Variants in CDC42SE2 observed in about 807,000 individuals in gnomAD.
The protein encoded by CDC42SE2 is CDC42 small effector 2.
CDC42SE2 carries 3 observed loss-of-function variants against 11.5 expected under a neutral mutation model. The observed-to-expected ratio is 0.26, with a 90% CI of 0.12 to 0.67. The LOEUF (loss-of-function observed/expected upper bound fraction) is 0.67. Among genes scored for constraint, CDC42SE2 ranks in the 30% least tolerant of loss-of-function variants. The pLI is 0.80. For missense variants in CDC42SE2, 82 were observed against 106.8 expected, an observed-to-expected ratio of 0.77 and a Z score of 1.02; for synonymous variants, 33 against 34.8, an observed-to-expected ratio of 0.95 and a Z score of 0.18.
chr5:131,240,301 A>G, the CDC42SE2 span, among the ~76,000 whole-genome samples: 20 of 152,190 alleles, frequency 1.3e-4, no homozygotes, highest in Non-Finnish European at 1.8e-4. Flanking sequence ...TTTCTCTCCT[A>G]ACATTTCTCT....
At position 131,391,468 on chromosome 5, in the gene CDC42SE2, T is replaced by C. The variant is rs955121016; in HGVS notation, c.*377T>C. On this transcript the variant is annotated 3_prime_UTR_variant, in exon 5 of 5. Coordinates refer to ENST00000505065, the MANE Select transcript of CDC42SE2 (RefSeq NM_001375635.1). ...GGGCTGATCACCTGAGGCCAGGAAT[T>C]GGAGACTAGCCTGGCCAACATGGTG... 1 of 152,892 alleles carries C rather than the reference T, an allele frequency of 6.5e-6. No homozygotes were observed. The highest frequency in any genetic ancestry group is 1.9e-4 in the East Asian group (1 of 5,228). The allele number at this position is 152,892 out of a possible 1,614,324, so 9.5% of individuals were successfully genotyped here.
the CDC42SE2 span, among the ~76,000 whole-genome samples, chr5:131,238,508 A>G: frequency 6.6e-6 from 1 of 151,564 alleles, no homozygotes; most frequent in Non-Finnish European, 1.5e-5. Context: ...TCTAAAAAAA[A>G]AAAAAAAAAA....
intron 1 of CDC42SE2, among the ~76,000 whole-genome samples, chr5:131,293,942 A>G (rs1340106295): frequency 6.6e-6 from 1 of 152,110 alleles, no homozygotes; most frequent in African/African-American, 2.4e-5. Flanking sequence ...GACAAATTCG[A>G]TATGTATTGG....
chr5:131,249,829 G>A (rs1580714777), intron 1 of CDC42SE2, among the ~76,000 whole-genome samples: 1 of 152,098 alleles, frequency 6.6e-6, no homozygotes. Context: ...GTTGCAGTGA[G>A]CTATGATTGT....
intron 2 of CDC42SE2, among the ~76,000 whole-genome samples, chr5:131,329,402 G>A (rs955621587): frequency 3.3e-5 from 5 of 151,826 alleles, no homozygotes; most frequent in African/African-American, 1.2e-4. Flanking sequence ...TCTTCCCTAC[G>A]GTTGATTTTG....
the CDC42SE2 span, among the ~76,000 whole-genome samples, chr5:131,239,394 A>T: frequency 2.6e-5 from 4 of 152,120 alleles, no homozygotes; most frequent in South Asian, 8.3e-4. Flanking sequence ...CCATGATCAC[A>T]CCACTGCACT....
At chr5:131,291,039 C>G (rs927299929) in intron 1 of CDC42SE2, among the ~76,000 whole-genome samples, 1 of 152,134 alleles carries the variant, frequency 6.6e-6, no homozygotes. Flanking sequence ...AGGGCTTTCA[C>G]AAGAAGCCTT....
At chr5:131,277,955 A>G (rs1757138043) in intron 1 of CDC42SE2, among the ~76,000 whole-genome samples, 1 of 152,178 alleles carries the variant, frequency 6.6e-6, no homozygotes, top group Non-Finnish European at 1.5e-5. Flanking sequence ...AGTAAAAAAA[A>G]GTGTTGAGAG....
chr5:131,365,390 G>C (rs1254480483), intron 3 of CDC42SE2, among the ~76,000 whole-genome samples: 1 of 152,112 alleles, frequency 6.6e-6, no homozygotes, highest in Non-Finnish European at 1.5e-5. Context: ...TCTAGCTGAG[G>C]GCACTCCATG....
In CDC42SE2 at chr5:131,280,861, C is replaced by A. The variant is rs1055730518; in HGVS notation, c.-455+16695C>A. 3.4e-4 allele frequency among the ~76,000 whole-genome samples: 52 copies of A among 152,046 alleles called. 1 individual carries two copies. The highest frequency in any genetic ancestry group is 1.1e-3 in the African/African-American group (45 of 41,382). ...ATGACAATTTTATTAGATATTGCTA[C>A]CCTTTTTATGTGTGAGAATGAGGAG... On this transcript the variant is annotated intron_variant, in intron 1 of 4. Coordinates refer to ENST00000505065, the MANE Select transcript of CDC42SE2 (RefSeq NM_001375635.1).
In CDC42SE2 at chr5:131,369,135, A is replaced by C. The variant is rs116655963; in HGVS notation, c.54+9588A>C. 5.4e-3 allele frequency among the ~76,000 whole-genome samples: 826 copies of C among 152,234 alleles called. 11 individuals carry two copies. Among genetic ancestry groups the C allele is most frequent in the South Asian group, 0.043 (208 of 4,822 alleles). Reference sequence around the variant, plus strand: ...TTTTACCATCTATGTATGTATCCCTAAACAGTATAATTTAGTTTGCCTGTT... The same window carrying C: ...TTTTACCATCTATGTATGTATCCCTCAACAGTATAATTTAGTTTGCCTGTT... On this transcript the variant is annotated intron_variant, in intron 3 of 4. Coordinates refer to ENST00000505065, the MANE Select transcript of CDC42SE2 (RefSeq NM_001375635.1).
At chr5:131,383,448 T>G (rs1561437354) in intron 3 of CDC42SE2, among the ~76,000 whole-genome samples, 1 of 152,186 alleles carries the variant, frequency 6.6e-6, no homozygotes, top group East Asian at 1.9e-4. Flanking sequence ...GTTGTTCAAA[T>G]AAAGAAATGA....
At chr5:131,338,380 A>G (rs1002189538) in intron 2 of CDC42SE2, among the ~76,000 whole-genome samples, 2 of 152,192 alleles carry the variant, frequency 1.3e-5, no homozygotes, top group Non-Finnish European at 2.9e-5. Context: ...TTTTGTTTAT[A>G]TAGCCTCACT....
intron 2 of CDC42SE2, among the ~76,000 whole-genome samples, chr5:131,352,605 C>G (rs1254192711): frequency 6.6e-6 from 1 of 152,006 alleles, no homozygotes; most frequent in Non-Finnish European, 1.5e-5. Context: ...GTTTGGACTT[C>G]GATTAACCAC....
upstream of CDC42SE2, among the ~76,000 whole-genome samples, chr5:131,260,556 G>T (rs1404940572): frequency 6.7e-6 from 1 of 149,986 alleles, no homozygotes. Flanking sequence ...ACTCAGGAGA[G>T]GAAGATTGCA....
At chr5:131,342,278 CAAAAAA>C (rs113170833) in intron 2 of CDC42SE2, among the ~76,000 whole-genome samples, 1 of 122,896 alleles carries the variant, frequency 8.1e-6, no homozygotes. Context: ...GACTCCTTCT[CAAAAAA>C]AAAAAAAAAA....
rs747152132 is a variant in CDC42SE2 at position 131,329,879 on chromosome 5, C to CAAAAAAAAAAAAAAAAAAAAAAAAA, written c.-286+13754_-286+13778dup. Among the ~76,000 whole-genome samples, 14 of 56,626 alleles carry CAAAAAAAAAAAAAAAAAAAAAAAAA rather than the reference C, an allele frequency of 2.5e-4. 2 individuals carry two copies. The highest frequency in any genetic ancestry group is 4.8e-4 in the Non-Finnish European group (12 of 25,238). The allele number at this position is 56,626 out of a possible 152,430, so 37.1% of individuals were successfully genotyped here. ...GGGCAACAAGAGTGAAACTCCATCTCAAAAAAAAAAAAAAAAAAAAAAAAA... is the reference window on the plus strand; with the variant it reads ...GGGCAACAAGAGTGAAACTCCATCTCAAAAAAAAAAAAAAAAAAAAAAAAAAAAAAAAAAAAAAAAAAAAAAAAAA... On this transcript the variant is annotated intron_variant, in intron 2 of 4. Coordinates refer to ENST00000505065, the MANE Select transcript of CDC42SE2 (RefSeq NM_001375635.1).
At chr5:131,292,575 A>C (rs982876387) in intron 1 of CDC42SE2, among the ~76,000 whole-genome samples, 4 of 134,668 alleles carry the variant, frequency 3.0e-5, no homozygotes, top group East Asian at 2.2e-4. Context: ...AAAAAAAAAA[A>C]CAAAAAACAA....
At chr5:131,289,441 G>T (rs1210088471) in intron 1 of CDC42SE2, among the ~76,000 whole-genome samples, 1 of 152,228 alleles carries the variant, frequency 6.6e-6, no homozygotes, top group Non-Finnish European at 1.5e-5. Context: ...GGGAGGCCGA[G>T]GCGGGTGAAT....
Sources: gnomAD v4.1 joint callset for allele counts (sites outside exome capture counted in the v4.1 genomes callset) on GRCh38, gnomAD v4.1.1 for gene constraint, MANE v1.5 for transcripts, NCBI Gene and HGNC (gene_info 2026-07-23, HGNC 2026-07-21) for gene names.